The following TRIP12 variants were observed in gnomAD, a reference collection of about 807,000 sequenced individuals.
TRIP12 encodes thyroid hormone receptor interactor 12, also known as E3 ubiquitin-protein ligase TRIP12.
A neutral mutation model predicts 244.2 loss-of-function variants in TRIP12; 25 were observed. That is an observed-to-expected ratio of 0.10 (90% confidence interval 0.07 to 0.14). TRIP12 has a LOEUF of 0.14. Among genes scored for constraint, TRIP12 ranks in the 10% least tolerant of loss-of-function variants. The pLI, the probability that TRIP12 is intolerant of heterozygous loss-of-function variation, is 1.00. For synonymous variants in TRIP12, 905 were observed against 873.1 expected (o/e 1.04, Z -0.64); for missense variants, 1,677 against 2,486.4 (o/e 0.67, Z 6.92).
intron 24 of TRIP12, 89 bp downstream of exon 24, chr2:229,797,601 A>T: frequency 2.7e-6 from 4 of 1,506,654 alleles, no homozygotes; most frequent in Non-Finnish European, 3.6e-6. Flanking sequence ...CTAAATCCAT[A>T]GGAAGCTAGA....
intron 38 of TRIP12, among the ~76,000 whole-genome samples, chr2:229,772,867 A>T (rs754807265): frequency 1.3e-5 from 2 of 152,174 alleles, no homozygotes; most frequent in Non-Finnish European, 2.9e-5. Context: ...AAAGCAAGTT[A>T]GTGGAAAGGT....
At chr2:229,916,959 C>G (rs1331543356) in intron 1 of TRIP12, among the ~76,000 whole-genome samples, 1 of 152,034 alleles carries the variant, frequency 6.6e-6, no homozygotes, top group African/African-American at 2.4e-5. Context: ...CAGAGAAACC[C>G]AGCAGAGAGG....
rs150723857 is a variant in TRIP12, at chr2:229,911,640, C to T, written c.-50+10240G>A. ...TCTGTGATGATGGTATGCTAATTACCCTGGTCTGACTACTATACATTGTAT... is the reference window on the plus strand; with the variant it reads ...TCTGTGATGATGGTATGCTAATTACTCTGGTCTGACTACTATACATTGTAT... On this transcript the variant is annotated intron_variant, in intron 1 of 41. Coordinates refer to ENST00000675903, the MANE Select transcript of TRIP12 (RefSeq NM_001348323.3). 4.0e-3 allele frequency among the ~76,000 whole-genome samples: 611 copies of T among 152,104 alleles called. 2 individuals are homozygous for T. The highest frequency in any genetic ancestry group is 6.5e-3 in the Non-Finnish European group (442 of 67,994).
Position 229,798,957 on chromosome 2 carries a change from T to C in TRIP12, c.3400A>G (p.Ser1134Gly). The C allele has an allele frequency of 6.2e-7, 1 of 1,614,268 alleles. No homozygotes were observed. Among genetic ancestry groups the C allele is most frequent in the African/African-American group, 1.3e-5 (1 of 75,076 alleles). Residue 1134 changes from serine (S) to glycine (G), a missense_variant, in exon 23 of 42, where the codon AGC (serine) becomes GGC (glycine). Ser to Gly is a moderately conservative substitution (Grantham distance 56, BLOSUM62 0). This residue lies in a region of TRIP12 where 572 missense variants were observed against 867.8 expected (regional missense o/e 0.66). Coordinates refer to ENST00000675903, the MANE Select transcript of TRIP12 (RefSeq NM_001348323.3). The part of the protein sequence containing the change: ...TWGRLSTQSN[S>G]NNIEPARTAG... ...GTCCGTGCTGGCTCAATGTTGTTGC[T>C]GTTGGACTGTGTACTTAACCTTCCC...
chr2:229,824,034 T>G (rs926094449), intron 8 of TRIP12, among the ~76,000 whole-genome samples: 3 of 152,168 alleles, frequency 2.0e-5, no homozygotes, highest in African/African-American at 7.2e-5. Context: ...ATATTCTAAG[T>G]AACGTCCTAT....
At chr2:229,836,112 TA>T (rs2054750473) in intron 6 of TRIP12, among the ~76,000 whole-genome samples, 2 of 152,240 alleles carry the variant, frequency 1.3e-5, no homozygotes, top group Non-Finnish European at 2.9e-5. Context: ...CAACGTATCC[TA>T]ATAGTAAACA....
chr2:229,806,469 C>T (rs533008342), intron 17 of TRIP12, among the ~76,000 whole-genome samples: 5 of 152,290 alleles, frequency 3.3e-5, no homozygotes, highest in African/African-American at 1.2e-4. Flanking sequence ...TTTAAACAGA[C>T]TACAGAAGTG....
chr2:229,769,554 T>C (rs1002003499), intron 39 of TRIP12, among the ~76,000 whole-genome samples: 1 of 152,122 alleles, frequency 6.6e-6, no homozygotes, highest in South Asian at 2.1e-4. Context: ...CTGCAGGGAC[T>C]TGGTTCCTGA....
At position 229,766,381 on chromosome 2, in the gene TRIP12, G is replaced by A. The variant is rs1222820992; in HGVS notation, c.*1173C>T. 1 of 152,170 alleles carries A rather than the reference G, an allele frequency of 6.6e-6. No homozygotes were observed. Among genetic ancestry groups the A allele is most frequent in the East Asian group, 1.9e-4 (1 of 5,202 alleles). 9.4% of individuals were successfully genotyped at this position (152,170 alleles called of 1,614,324 possible). A position where few individuals can be genotyped will look rare whatever the true frequency, so the allele number is the denominator to read the frequency against. ...ACAGCACAAAACTATAAACAAAAAGGTGAAGCAAACTTTCTTTATTTTCAG... is the reference window on the plus strand; with the variant it reads ...ACAGCACAAAACTATAAACAAAAAGATGAAGCAAACTTTCTTTATTTTCAG... On this transcript the variant is annotated 3_prime_UTR_variant, in exon 42 of 42. Coordinates refer to ENST00000675903, the MANE Select transcript of TRIP12 (RefSeq NM_001348323.3).
chr2:229,814,271 T>A lies in TRIP12; in HGVS notation c.1786A>T (p.Met596Leu). ...VAEQALTALE[M>L]LSRRHSKAIL... ...GCTTTACTATGTCTCCGTGACAACATCTCCAAGGCAGTCAAGGCCTGCTCT... is the reference window on the plus strand; with the variant it reads ...GCTTTACTATGTCTCCGTGACAACAACTCCAAGGCAGTCAAGGCCTGCTCT... Residue 596 changes from methionine (M) to leucine (L), a missense_variant, in exon 12 of 42, where the codon ATG (methionine) becomes TTG (leucine). Met to Leu is a conservative substitution (Grantham distance 15). This residue lies in a region of TRIP12 where 572 missense variants were observed against 867.8 expected (regional missense o/e 0.66). Coordinates refer to ENST00000675903, the MANE Select transcript of TRIP12 (RefSeq NM_001348323.3). 6.2e-7 allele frequency: 1 copy of A among 1,614,134 alleles called. No individual in the cohort carries two copies. The highest frequency in any genetic ancestry group is 1.1e-5 in the South Asian group (1 of 91,092).
At chr2:229,828,006 A>G (rs1297953403) in intron 8 of TRIP12, among the ~76,000 whole-genome samples, 2 of 152,186 alleles carry the variant, frequency 1.3e-5, no homozygotes, top group African/African-American at 2.4e-5. Flanking sequence ...GATGATGAGC[A>G]TTTTTCAGCT....
intron 21 of TRIP12, among the ~76,000 whole-genome samples, chr2:229,801,066 T>C (rs948809514): frequency 1.3e-5 from 2 of 152,132 alleles, no homozygotes; most frequent in Admixed American, 6.5e-5. Flanking sequence ...CAATAACTTA[T>C]GTTACTGCAG....
intron 4 of TRIP12, among the ~76,000 whole-genome samples, chr2:229,841,348 A>G (rs55748596): frequency 2.0e-5 from 3 of 152,342 alleles, no homozygotes; most frequent in Non-Finnish European, 4.4e-5. Context: ...TATAAGGCTC[A>G]TCAATAAGGT....
intron 39 of TRIP12, among the ~76,000 whole-genome samples, chr2:229,769,668 A>T (rs886376001): frequency 6.6e-6 from 1 of 152,014 alleles, no homozygotes; most frequent in Non-Finnish European, 1.5e-5. Flanking sequence ...GCTTCTAGTC[A>T]GGGAGATTTT....
intron 1 of TRIP12, among the ~76,000 whole-genome samples, chr2:229,887,462 A>G (rs1475825837): frequency 6.6e-6 from 1 of 152,222 alleles, no homozygotes; most frequent in East Asian, 1.9e-4. Context: ...AGAAACAAAA[A>G]GTTTTACATT....
intron 34 of TRIP12, among the ~76,000 whole-genome samples, chr2:229,785,554 T>C (rs2039757963): frequency 6.6e-6 from 1 of 152,246 alleles, no homozygotes; most frequent in Non-Finnish European, 1.5e-5. Flanking sequence ...AACACAAATG[T>C]GTTCTTACGC....
Position 229,784,110 on chromosome 2 carries a change from C to CAA in TRIP12, c.5094+1645_5094+1646dup, listed in dbSNP as rs776291512. ...GGGCAACAAGAGCAAAACTCCGTCTCAAAAAAAAAAAAGAGAGAGAAAAGA... is the reference window on the plus strand; with the variant it reads ...GGGCAACAAGAGCAAAACTCCGTCTCAAAAAAAAAAAAAAGAGAGAGAAAAGA... On this transcript the variant is annotated intron_variant, in intron 34 of 41. Transcript: ENST00000675903. 1.8e-4 allele frequency among the ~76,000 whole-genome samples: 10 copies of CAA among 55,024 alleles called. 1 individual carries two copies. Among genetic ancestry groups the CAA allele is most frequent in the African/African-American group, 5.2e-4 (10 of 19,090 alleles). The allele number at this position is 55,024 out of a possible 152,430, so 36.1% of individuals were successfully genotyped here. A position where few individuals can be genotyped will look rare whatever the true frequency, so the allele number is the denominator to read the frequency against.
chr2:229,836,821 T>C (rs776698693), intron 6 of TRIP12, 27 bp downstream of exon 6: 22 of 1,577,072 alleles, frequency 1.4e-5, no homozygotes, highest in Non-Finnish European at 1.8e-5. Context: ...CAGAAACGCA[T>C]TTTAAAGCTA....
chr2:229,783,754 C>T (rs1445126633), intron 34 of TRIP12, among the ~76,000 whole-genome samples: 1 of 150,476 alleles, frequency 6.6e-6, no homozygotes, highest in Non-Finnish European at 1.5e-5. Flanking sequence ...TAGACACTGG[C>T]AGGCTGATTC....
Sources: allele counts gnomAD v4.1 joint callset (sites outside exome capture counted in the v4.1 genomes callset), GRCh38; gene constraint gnomAD v4.1.1; regional missense constraint gnomAD v4.1.1; transcripts MANE v1.5; gene names NCBI Gene and HGNC (gene_info 2026-07-23, HGNC 2026-07-21).